The following SLC7A2 variants were observed in gnomAD, a reference collection of about 807,000 sequenced individuals.
SLC7A2 encodes cationic amino acid transporter 2.
SLC7A2 carries 48 observed loss-of-function variants against 58.9 expected under a neutral mutation model. The observed-to-expected ratio is 0.82, with a 90% CI of 0.65 to 1.04. The LOEUF (loss-of-function observed/expected upper bound fraction) is 1.04, where lower values mean the gene tolerates loss of function less well. SLC7A2 is among the 50% of genes least tolerant of loss of function. SLC7A2 has a pLI of 0.00. For synonymous variants in SLC7A2, 363 were observed against 314.5 expected, an observed-to-expected ratio of 1.15 and a Z score of -1.63; for missense variants, 1,029 against 818.8, an observed-to-expected ratio of 1.26 and a Z score of -3.13.
Position 17,558,320 on chromosome 8 carries a change from G to A in SLC7A2, c.1221G>A (p.Leu407=). The A allele has an allele frequency of 6.2e-7, 1 of 1,613,324 alleles. No homozygotes were observed. Among genetic ancestry groups the A allele is most frequent in the Non-Finnish European group, 8.5e-7 (1 of 1,179,622 alleles). The part of the protein sequence containing the change: ...VAALMAFLFD[L]KALVDMMSIG... Reference sequence around the variant, plus strand: ...CTTTGATGGCCTTTCTGTTTGACCTGAAGGCGCTTGTGGACATGATGTCCA... The same window carrying A: ...CTTTGATGGCCTTTCTGTTTGACCTAAAGGCGCTTGTGGACATGATGTCCA... Residue 407 remains leucine (L), a synonymous_variant, in exon 9 of 13, where the codon CTG becomes CTA. Transcript: ENST00000494857.
intron 2 of SLC7A2, among the ~76,000 whole-genome samples, chr8:17,514,106 C>T (rs537087828): frequency 1.3e-5 from 2 of 152,192 alleles, no homozygotes; most frequent in South Asian, 2.1e-4. Context: ...GTAAAAACAC[C>T]TCGGCACATT....
intron 2 of SLC7A2, among the ~76,000 whole-genome samples, chr8:17,527,988 T>C (rs1801286028): frequency 6.6e-6 from 1 of 152,114 alleles, no homozygotes; most frequent in African/African-American, 2.4e-5. Context: ...CTAATTTAGC[T>C]CAAGGGAGTG....
intron 4 of SLC7A2, 80 bp downstream of exon 4, chr8:17,544,686 G>C: frequency 1.1e-5 from 14 of 1,273,310 alleles, no homozygotes; most frequent in Non-Finnish European, 1.4e-5. Context: ...TGAATTTGGG[G>C]CCTGAGTTCC....
intron 3 of SLC7A2, 38 bp from the exon 4 acceptor site, chr8:17,544,413 C>T (rs559919409): frequency 1.9e-6 from 3 of 1,589,330 alleles, no homozygotes; most frequent in African/African-American, 1.3e-5. Flanking sequence ...TTTAATTTGC[C>T]CCCAGTGACT....
chr8:17,532,813 A>C (rs1801512899), intron 2 of SLC7A2, among the ~76,000 whole-genome samples: 1 of 152,220 alleles, frequency 6.6e-6, no homozygotes, highest in Non-Finnish European at 1.5e-5. Flanking sequence ...CTAAGCAAAA[A>C]TTTTAAAAAT....
In SLC7A2 at chr8:17,509,012, G is replaced by A. The variant is rs1251237475; in HGVS notation, c.-23+6710G>A. Among the ~76,000 whole-genome samples the A allele has an allele frequency of 2.0e-5, 3 of 152,214 alleles. No homozygotes were observed. The East Asian group carries it at 5.8e-4, about 29-fold the overall frequency. ...TTGGTGAAAGTTGGAGATGCTGGTG[G>A]TGTAAGGCAGGCGAATGATATTACT... On this transcript the variant is annotated intron_variant, in intron 2 of 12. Coordinates refer to ENST00000494857, the MANE Select transcript of SLC7A2 (RefSeq NM_001370338.1).
In SLC7A2 at chr8:17,498,625, C is replaced by T. The variant is rs994362702; in HGVS notation, c.-69+1388C>T. ...TTATTGTGATTTTTCAAGTTTCTTC[C>T]CTCGGCCCACACTTTGTTTACATTC... On this transcript the variant is annotated intron_variant, in intron 1 of 12. Transcript: ENST00000494857. The T allele has an allele frequency of 2.6e-5, 4 of 152,160 alleles. No individual in the cohort carries two copies. In the East Asian group the frequency reaches 5.8e-4, roughly 22 times the overall value. The allele number at this position is 152,160 out of a possible 1,614,324, so 9.4% of individuals were successfully genotyped here.
intron 2 of SLC7A2, among the ~76,000 whole-genome samples, chr8:17,509,436 G>T (rs1194730056): frequency 6.6e-6 from 1 of 152,122 alleles, no homozygotes; most frequent in Middle Eastern, 3.4e-3. Flanking sequence ...CTCCCAAGTA[G>T]CTGGGTTTAC....
rs1209069258 is a variant in SLC7A2, at chr8:17,565,217, T to A, written c.*71T>A. 2.4e-6 allele frequency: 3 copies of A among 1,225,464 alleles called. No individual in the cohort carries two copies. Among genetic ancestry groups the A allele is most frequent in the Non-Finnish European group, 3.4e-6 (3 of 873,716 alleles). The allele number at this position is 1,225,464 out of a possible 1,614,324, so 75.9% of individuals were successfully genotyped here. On this transcript the variant is annotated 3_prime_UTR_variant, in exon 13 of 13. Transcript: ENST00000494857. ...ACACTGAGTAAACCGTAACGGGATG[T>A]CATCAGCATGCTGGGTTGTCATGGG...
At chr8:17,497,077 C>G (rs533412115), upstream of SLC7A2, 1 of 151,122 alleles carries the variant, frequency 6.6e-6, no homozygotes, top group Non-Finnish European at 1.5e-5. Context: ...GGGGCGCCCA[C>G]GTGCCCAGCC....
At chr8:17,561,558 T>C (rs144491923) in intron 10 of SLC7A2, among the ~76,000 whole-genome samples, 208 of 152,218 alleles carry the variant, frequency 1.4e-3, no homozygotes, top group African/African-American at 4.9e-3. Context: ...TCACAGTCCA[T>C]GTTTACGACA....
chr8:17,555,246 G>A (rs1471597363), intron 8 of SLC7A2, among the ~76,000 whole-genome samples: 1 of 152,046 alleles, frequency 6.6e-6, no homozygotes, highest in Non-Finnish European at 1.5e-5. Context: ...TGAAAATTGT[G>A]GTGGCGGTGG....
chr8:17,496,536 T>C (rs987271012), upstream of SLC7A2, among the ~76,000 whole-genome samples: 1 of 152,194 alleles, frequency 6.6e-6, no homozygotes, highest in African/African-American at 2.4e-5. Context: ...TGTCATTTCC[T>C]ATAAACCCAC....
intron 6 of SLC7A2, among the ~76,000 whole-genome samples, chr8:17,551,455 G>C (rs1021870473): frequency 5.3e-5 from 8 of 152,110 alleles, no homozygotes; most frequent in African/African-American, 1.9e-4. Flanking sequence ...AAATTAGCCA[G>C]GTGTGGTGGC....
chr8:17,512,582 G>C (rs956457612), intron 2 of SLC7A2, among the ~76,000 whole-genome samples: 2 of 151,272 alleles, frequency 1.3e-5, no homozygotes, highest in African/African-American at 4.8e-5. Flanking sequence ...AAGTGGAGTG[G>C]AGTGAAAAAT....
chr8:17,534,811 A>G (rs111601010), intron 2 of SLC7A2, among the ~76,000 whole-genome samples: 2,794 of 152,110 alleles, frequency 0.018, 82 homozygotes, highest in African/African-American at 0.064. Context: ...ACTATATGGC[A>G]TGTAAAGTTA....
intron 2 of SLC7A2, among the ~76,000 whole-genome samples, chr8:17,532,123 G>T (rs1355130983): frequency 6.7e-6 from 1 of 150,314 alleles, no homozygotes; most frequent in Admixed American, 6.7e-5. Flanking sequence ...CCAGCTACTT[G>T]GGAGGCTGAG....
chr8:17,551,423 A>T (rs1802444161), intron 6 of SLC7A2, among the ~76,000 whole-genome samples: 1 of 152,074 alleles, frequency 6.6e-6, no homozygotes, highest in Non-Finnish European at 1.5e-5. Flanking sequence ...ACATGGTGCA[A>T]ACCATCTCTA....
chr8:17,557,673 C>G (rs1447642498), intron 8 of SLC7A2, among the ~76,000 whole-genome samples: 1 of 150,700 alleles, frequency 6.6e-6, no homozygotes, highest in South Asian at 2.1e-4. Flanking sequence ...ACGAAAAATA[C>G]AAAAATTAGC....
Sources: gnomAD v4.1 joint callset for allele counts (sites outside exome capture counted in the v4.1 genomes callset) on GRCh38, gnomAD v4.1.1 for gene constraint, MANE v1.5 for transcripts, NCBI Gene and HGNC (gene_info 2026-07-23, HGNC 2026-07-21) for gene names.